The following CCNY variants were observed in gnomAD, a reference collection of about 807,000 sequenced individuals.
CCNY encodes cyclin Y, also known as cyclin-Y.
CCNY carries 19 observed loss-of-function variants against 42.8 expected under a neutral mutation model. The ratio of observed to expected loss-of-function variants is 0.44; its 90% confidence interval spans 0.31 to 0.65. The LOEUF (loss-of-function observed/expected upper bound fraction) is 0.65, where lower values mean the gene tolerates loss of function less well. Ranked by LOEUF, CCNY falls within the 30% of genes least tolerant of loss-of-function variation. The probability of loss-of-function intolerance (pLI) is 0.07; values close to 1 mark genes in which losing one functional copy is unlikely to be tolerated. For synonymous variants in CCNY, 165 were observed against 162.7 expected (o/e 1.01, Z -0.11); for missense variants, 370 against 437.3 (o/e 0.85, Z 1.37).
intron 3 of CCNY, chr10:35,327,651 C>G (rs1003869967): frequency 6.6e-6 from 1 of 152,216 alleles, no homozygotes; most frequent in Non-Finnish European, 1.5e-5. Flanking sequence ...AGATAGTAAC[C>G]TAAATCCTGT....
At chr10:35,537,204 G>A (rs545056879) in intron 7 of CCNY, among the ~76,000 whole-genome samples, 1 of 152,354 alleles carries the variant, frequency 6.6e-6, no homozygotes, top group East Asian at 1.9e-4. Context: ...GCCTGCAGGT[G>A]TCCAGAAGTC....
intron 8 of CCNY, among the ~76,000 whole-genome samples, chr10:35,563,898 C>CA (rs998715589): frequency 5.5e-5 from 8 of 145,524 alleles, no homozygotes; most frequent in Non-Finnish European, 1.0e-4. Context: ...TTTTTTGAGA[C>CA]AGAGTTTCGC....
Position 35,424,557 on chromosome 10 carries a change from C to T in CCNY, c.155-58847C>T, listed in dbSNP as rs549758995. ...TTCTAATAATTGTAGTAAACACCCC[C>T]CTGCATTTCTGCATTGCCTTGGGGC... On this transcript the variant is annotated intron_variant, in intron 1 of 9. Transcript: ENST00000374704. Among the ~76,000 whole-genome samples, 6 of 152,344 alleles carry T rather than the reference C, an allele frequency of 3.9e-5. No individual in the cohort carries two copies. In the East Asian group the frequency reaches 5.8e-4, roughly 15 times the overall value.
intron 1 of CCNY, among the ~76,000 whole-genome samples, chr10:35,379,958 T>G (rs1394375481): frequency 6.6e-6 from 1 of 152,202 alleles, no homozygotes; most frequent in Non-Finnish European, 1.5e-5. Context: ...TCCCAGGCTG[T>G]CATATGAAGC....
intron 3 of CCNY, among the ~76,000 whole-genome samples, chr10:35,292,781 G>GTTTTT (rs71033391): frequency 7.8e-4 from 85 of 108,762 alleles, no homozygotes; most frequent in Non-Finnish European, 9.5e-4. Context: ...CTTTGTTTTT[G>GTTTTT]TTTTTTTTTT....
At chr10:35,279,708 C>A (rs1005104500) in intron 3 of CCNY, among the ~76,000 whole-genome samples, 15 of 152,198 alleles carry the variant, frequency 9.9e-5, no homozygotes, top group African/African-American at 2.9e-4. Flanking sequence ...GCCCATGGGA[C>A]CTGAGTCCTT....
chr10:35,321,832 A>G (rs1267731839), intron 3 of CCNY, among the ~76,000 whole-genome samples: 2 of 152,210 alleles, frequency 1.3e-5, no homozygotes, highest in African/African-American at 4.8e-5. Flanking sequence ...AAGCTACATT[A>G]TTATTAAAGG....
intron 2 of CCNY, among the ~76,000 whole-genome samples, chr10:35,500,126 G>A (rs1589162156): frequency 6.6e-6 from 1 of 152,214 alleles, no homozygotes; most frequent in Admixed American, 6.5e-5. Context: ...CTCTGTGTGC[G>A]CTAGTCTGGC....
intron 4 of CCNY, among the ~76,000 whole-genome samples, chr10:35,522,304 C>G (rs912158773): frequency 3.9e-5 from 6 of 152,172 alleles, no homozygotes; most frequent in Non-Finnish European, 7.3e-5. Flanking sequence ...TTTCTGGGCC[C>G]CTGACTTATA....
At position 35,312,280 on chromosome 10, in the gene CCNY, C is replaced by T. The variant is rs1835694778; in HGVS notation, c.-9+61654C>T. Among the ~76,000 whole-genome samples, 4 of 144,010 alleles carry T rather than the reference C, an allele frequency of 2.8e-5. No homozygotes were observed. The Middle Eastern group carries it at 0.016, about 563-fold the overall frequency. The allele number at this position is 144,010 out of a possible 152,430, so 94.5% of individuals were successfully genotyped here. On this transcript the variant is annotated intron_variant, in intron 3 of 11. Coordinates refer to the CCNY transcript ENST00000374706. ...CCTGTAGTCCCAGCTACTTGGGATG[C>T]TGAGGCAGGAGAATCGCTTGAGCCC...
At chr10:35,472,533 C>T (rs1280613769) in intron 1 of CCNY, among the ~76,000 whole-genome samples, 1 of 152,160 alleles carries the variant, frequency 6.6e-6, no homozygotes, top group South Asian at 2.1e-4. Context: ...TTCGTTACTT[C>T]TGTATCCTCA....
chr10:35,437,800 G>A (rs772661216), intron 1 of CCNY, among the ~76,000 whole-genome samples: 1 of 152,150 alleles, frequency 6.6e-6, no homozygotes, highest in Non-Finnish European at 1.5e-5. Flanking sequence ...TATCCTGGAA[G>A]CACTGTTTTA....
intron 5 of CCNY, 100 bp from the exon 6 acceptor site, chr10:35,529,873 A>C (rs1840728494): frequency 1.1e-5 from 7 of 617,944 alleles, no homozygotes; most frequent in Admixed American, 3.8e-5. Flanking sequence ...CCGTATCCCA[A>C]AAAAAAAAAA....
chr10:35,502,805 G>A (rs773264185), intron 3 of CCNY, among the ~76,000 whole-genome samples: 4 of 151,836 alleles, frequency 2.6e-5, no homozygotes, highest in Admixed American at 6.6e-5. Context: ...CGATTGGAAC[G>A]AATTCTCTAA....
intron 1 of CCNY, among the ~76,000 whole-genome samples, chr10:35,426,439 T>G (rs1838275902): frequency 6.6e-6 from 1 of 152,186 alleles, no homozygotes; most frequent in Admixed American, 6.5e-5. Flanking sequence ...TCAAACTCTG[T>G]TTAGTGTTGG....
intron 9 of CCNY, among the ~76,000 whole-genome samples, chr10:35,566,629 C>T (rs576247892): frequency 5.9e-5 from 9 of 152,204 alleles, no homozygotes; most frequent in East Asian, 1.9e-4. Context: ...AGACGTGAGC[C>T]GCTGTGCCTG....
intron 3 of CCNY, among the ~76,000 whole-genome samples, chr10:35,253,325 C>G (rs925800151): frequency 6.6e-6 from 1 of 151,786 alleles, no homozygotes; most frequent in Non-Finnish European, 1.5e-5. Context: ...TCACAGCTCA[C>G]TATAGCATCC....
intron 1 of CCNY, among the ~76,000 whole-genome samples, chr10:35,364,060 C>T (rs963149850): frequency 1.3e-5 from 2 of 151,992 alleles, no homozygotes; most frequent in Non-Finnish European, 2.9e-5. Context: ...TTTCTAATTC[C>T]AGTAATGGAA....
chr10:35,358,002 CT>C (rs1836595614), intron 1 of CCNY, among the ~76,000 whole-genome samples: 1 of 151,900 alleles, frequency 6.6e-6, no homozygotes, highest in East Asian at 1.9e-4. Context: ...AAGCTGTGTT[CT>C]TTTGCTATGT....
Sources: allele counts gnomAD v4.1 joint callset (sites outside exome capture counted in the v4.1 genomes callset), GRCh38; gene constraint gnomAD v4.1.1; transcripts MANE v1.5; gene names NCBI Gene and HGNC (gene_info 2026-07-23, HGNC 2026-07-21).